Variants in MAP3K21 observed in about 807,000 individuals in gnomAD.
MAP3K21 encodes mitogen-activated protein kinase kinase kinase 21.
Under a neutral mutation model 86.1 loss-of-function variants are expected in MAP3K21, and 63 were observed. The observed-to-expected ratio is 0.73, with a 90% CI of 0.60 to 0.90. MAP3K21 has a LOEUF of 0.90. Among genes scored for constraint, MAP3K21 ranks in the 40% least tolerant of loss-of-function variants. The pLI is 0.00. For synonymous variants in MAP3K21, 558 were observed against 564.8 expected, an observed-to-expected ratio of 0.99 and a Z score of 0.17; for missense variants, 1,220 against 1,367.7, an observed-to-expected ratio of 0.89 and a Z score of 1.70.
chr1:233,346,506 T>G lies in MAP3K21; in HGVS notation c.870T>G (p.Phe290Leu), dbSNP rs1213936891. Residue 290 changes from phenylalanine to leucine, a missense_variant, in exon 2 of 10, where the codon TTT (phenylalanine) becomes TTG (leucine). Coordinates refer to ENST00000366624, the MANE Select transcript of MAP3K21 (RefSeq NM_032435.3). ...ICNKTLKITD[F>L]GLAREWHRTT... ...ATAAAACTTTGAAGATTACAGATTT[T>G]GGGTTGGCGAGGGAATGGCACAGGA... 1 of 1,613,852 alleles carries G rather than the reference T, an allele frequency of 6.2e-7. No homozygotes were observed. The highest frequency in any genetic ancestry group is 1.7e-4 in the Middle Eastern group (1 of 6,058).
Position 233,362,154 on chromosome 1 carries a change from G to A in MAP3K21, c.1413G>A (p.Glu471=). 1 of 1,614,218 alleles carries A rather than the reference G, an allele frequency of 6.2e-7. No homozygotes were observed. Among genetic ancestry groups the A allele is most frequent in the Non-Finnish European group, 8.5e-7 (1 of 1,180,034 alleles). ...GTGAGCAGCAGCTGGCAGAGCGCGA[G>A]ATCGACGTGCTGGAGCGGGAACTTA... is the stretch of plus-strand genomic sequence containing the variant. ...KRREQQLAER[E]IDVLERELNI... The change falls in exon 5 of 10, where the codon GAG becomes GAA. Residue 471 remains glutamate, a synonymous_variant. Transcript: ENST00000366624.
intron 2 of MAP3K21, among the ~76,000 whole-genome samples, chr1:233,352,249 C>A (rs576390704): frequency 6.6e-6 from 1 of 152,134 alleles, no homozygotes; most frequent in Non-Finnish European, 1.5e-5. Flanking sequence ...TGTTCCAATA[C>A]ATACAATGTG....
At chr1:233,362,442 A>C (rs1483888239) in intron 5 of MAP3K21, 149 bp downstream of exon 5, 1 of 836,916 alleles carries the variant, frequency 1.2e-6, no homozygotes, top group African/African-American at 1.7e-5. Flanking sequence ...GCTTAGATTC[A>C]TGGTTCTAAT....
chr1:233,346,363 G>T lies in MAP3K21; in HGVS notation c.806-79G>T, dbSNP rs1663139277. ...TATTCTGCCAACTACAGTGAAGATT[G>T]TGTTTTACATGCCACAGAAAAATTG... On this transcript the variant is annotated intron_variant, in intron 1 of 9. Transcript: ENST00000366624. 12 of 1,089,152 alleles carry T rather than the reference G, an allele frequency of 1.1e-5. No individual in the cohort carries two copies. The South Asian group carries it at 1.8e-4, about 16-fold the overall frequency. 67.5% of individuals were successfully genotyped at this position (1,089,152 alleles called of 1,614,324 possible). A position where few individuals can be genotyped will look rare whatever the true frequency, so the allele number is the denominator to read the frequency against.
In MAP3K21 at chr1:233,328,128, G is replaced by A; in HGVS notation, c.100G>A (p.Gly34Ser). The A allele has an allele frequency of 7.1e-7, 1 of 1,412,508 alleles. No homozygotes were observed. Among genetic ancestry groups the A allele is most frequent in the Non-Finnish European group, 9.2e-7 (1 of 1,088,312 alleles). The allele number at this position is 1,412,508 out of a possible 1,614,324, so 87.5% of individuals were successfully genotyped here. Reference sequence around the variant, plus strand: ...GTCCTCGTCGTCCACCTCCTCGGGCGGCTCGGCCTCGGCGGGCGCGGGGCT... The same window carrying A: ...GTCCTCGTCGTCCACCTCCTCGGGCAGCTCGGCCTCGGCGGGCGCGGGGCT... ...SASSSSTSSG[G>S]SASAGAGLWA... The change falls in exon 1 of 10, where the codon GGC (glycine) becomes AGC (serine). Residue 34 changes from glycine to serine, a missense_variant. Around this residue, in one of 5 missense-constraint regions of MAP3K21, gnomAD observed 369 missense variants for 385.3 expected, o/e 0.96. Transcript: ENST00000366624. The surrounding 1 kb of genome is among the most constrained non-coding windows in gnomAD (Gnocchi z 8.7).
At chr1:233,356,710 C>G (rs6665061) in intron 4 of MAP3K21, among the ~76,000 whole-genome samples, 1 of 152,040 alleles carries the variant, frequency 6.6e-6, no homozygotes, top group African/African-American at 2.4e-5. Flanking sequence ...AACAGGGGAA[C>G]AGATGCCTAA....
At chr1:233,367,240 G>A (rs576594339) in intron 5 of MAP3K21, among the ~76,000 whole-genome samples, 53 of 152,238 alleles carry the variant, frequency 3.5e-4, no homozygotes, top group Middle Eastern at 3.2e-3. Context: ...TAGAAGGGTG[G>A]ATGGGAGAGA....
Position 233,354,198 on chromosome 1 carries a change from T to G in MAP3K21, c.1135+243T>G, listed in dbSNP as rs563716617. Among the ~76,000 whole-genome samples, 4 of 152,298 alleles carry G rather than the reference T, an allele frequency of 2.6e-5. No individual in the cohort carries two copies. The South Asian group carries it at 6.2e-4, about 24-fold the overall frequency. On this transcript the variant is annotated intron_variant, in intron 3 of 9. Coordinates refer to ENST00000366624, the MANE Select transcript of MAP3K21 (RefSeq NM_032435.3). ...GACTTATTTATGTATAAAACTCAAC[T>G]GAAAAGTAGTAACATTTTCACTAGG...
chr1:233,330,026 T>C (rs192064837), intron 1 of MAP3K21, among the ~76,000 whole-genome samples: 4 of 152,388 alleles, frequency 2.6e-5, no homozygotes, highest in East Asian at 1.9e-4. Context: ...CAGCCAGCCC[T>C]GGCATTGGCC....
rs1457553165 is a variant in MAP3K21, at chr1:233,382,915, T to C, written c.*204T>C. 9.7e-6 allele frequency: 5 copies of C among 515,234 alleles called. No individual in the cohort carries two copies. Among genetic ancestry groups the C allele is most frequent in the Non-Finnish European group, 1.7e-5 (5 of 288,822 alleles). 31.9% of individuals were successfully genotyped at this position (515,234 alleles called of 1,614,324 possible). On this transcript the variant is annotated 3_prime_UTR_variant, in exon 10 of 10. Coordinates refer to ENST00000366624, the MANE Select transcript of MAP3K21 (RefSeq NM_032435.3). The stretch of plus-strand genomic sequence containing the variant: ...GTTTTTCCTCTGGATTCTTTTCTTA[T>C]AACTTGGAATACACAAAAGTGTAAA...
intron 4 of MAP3K21, among the ~76,000 whole-genome samples, chr1:233,360,501 A>C (rs758440467): frequency 1.3e-5 from 2 of 152,326 alleles, no homozygotes; most frequent in East Asian, 1.9e-4. Flanking sequence ...TCAAGAAATA[A>C]ATTTAAAGAA....
chr1:233,355,636 G>T (rs1175291631), intron 4 of MAP3K21, among the ~76,000 whole-genome samples: 1 of 152,156 alleles, frequency 6.6e-6, no homozygotes, highest in African/African-American at 2.4e-5. Flanking sequence ...AGACATTGAA[G>T]CAGAAGCTCC....
Position 233,362,284 on chromosome 1 carries a change from T to C in MAP3K21, c.1543T>C (p.Leu515=). 2 of 1,614,178 alleles carry C rather than the reference T, an allele frequency of 1.2e-6. No individual in the cohort carries two copies. The highest frequency in any genetic ancestry group is 1.7e-6 in the Non-Finnish European group (2 of 1,180,032). Residue 515 remains leucine (L), a synonymous_variant, in exon 5 of 10, where the codon TTA becomes CTA. Coordinates refer to ENST00000366624, the MANE Select transcript of MAP3K21 (RefSeq NM_032435.3). The part of the protein sequence containing the change: ...LKLKDGHRIS[L]PSDFQHKITV... ...GCTCAAAGATGGACATCGAATCAGTTTACCTTCAGGTATGATCTTGTTTTT... is the reference window on the plus strand; with the variant it reads ...GCTCAAAGATGGACATCGAATCAGTCTACCTTCAGGTATGATCTTGTTTTT...
rs1663605607 is a variant in MAP3K21, at chr1:233,367,770, G to T, written c.1553-4268G>T. Among the ~76,000 whole-genome samples the T allele has an allele frequency of 2.0e-5, 3 of 150,010 alleles. No homozygotes were observed. The Admixed American group carries it at 2.0e-4, about 10-fold the overall frequency. On this transcript the variant is annotated intron_variant, in intron 5 of 9. Transcript: ENST00000366624. ...AGCTACTCAGGAGGCTGAAGCAGGA[G>T]AACTGTTTGAACTCAAGAGGCAAGG...
At chr1:233,373,231 A>G (rs1027750234) in intron 6 of MAP3K21, 1 of 152,134 alleles carries the variant, frequency 6.6e-6, no homozygotes, top group Admixed American at 6.5e-5. Flanking sequence ...GGCCTAATTA[A>G]CGGAGAGAGA....
chr1:233,337,437 T>G (rs1177703203), intron 1 of MAP3K21, among the ~76,000 whole-genome samples: 1 of 152,228 alleles, frequency 6.6e-6, no homozygotes, highest in East Asian at 1.9e-4. Context: ...GTTTTACATT[T>G]AAAATATTTG....
In MAP3K21 at chr1:233,346,292, A is replaced by T. The variant is rs79453256; in HGVS notation, c.806-150A>T. 4.8e-3 allele frequency: 2,944 copies of T among 617,922 alleles called. 70 individuals are homozygous for T. In the African/African-American group the frequency reaches 0.048, roughly 10 times the overall value. The allele number at this position is 617,922 out of a possible 1,614,324, so 38.3% of individuals were successfully genotyped here. Reference sequence around the variant, plus strand: ...ACAGATAACCCACTAAAGACTACAAAATCTGTGCTGTAAGTAAAATGGTAA... The same window carrying T: ...ACAGATAACCCACTAAAGACTACAATATCTGTGCTGTAAGTAAAATGGTAA... On this transcript the variant is annotated intron_variant, in intron 1 of 9. Transcript: ENST00000366624.
chr1:233,329,551 G>A (rs569215791), intron 1 of MAP3K21, among the ~76,000 whole-genome samples: 3 of 152,232 alleles, frequency 2.0e-5, no homozygotes, highest in Admixed American at 2.0e-4. Flanking sequence ...CTACTCGGGA[G>A]GCGGAGGCAT....
chr1:233,376,666 T>C (rs1291713063), intron 8 of MAP3K21, 139 bp downstream of exon 8: 1 of 571,438 alleles, frequency 1.7e-6, no homozygotes, highest in East Asian at 3.2e-5. Context: ...CTTATAGCTT[T>C]ACTTAAATTC....
Sources: gnomAD v4.1 joint callset for allele counts (sites outside exome capture counted in the v4.1 genomes callset) on GRCh38, gnomAD v4.1.1 for gene constraint, gnomAD v4.1.1 regional missense constraint, Gnocchi (gnomAD v3.1) non-coding constraint, MANE v1.5 for transcripts, NCBI Gene and HGNC (gene_info 2026-07-23, HGNC 2026-07-21) for gene names.